Variants in HECTD4 observed in about 807,000 individuals in gnomAD.
The protein encoded by HECTD4 is HECT domain E3 ubiquitin protein ligase 4, also known as probable E3 ubiquitin-protein ligase HECTD4.
Under a neutral mutation model 471.5 loss-of-function variants are expected in HECTD4, and 114 were observed. The ratio of observed to expected loss-of-function variants is 0.24; its 90% confidence interval spans 0.21 to 0.28. The LOEUF is 0.28. Ranked by LOEUF, HECTD4 falls within the 10% of genes least tolerant of loss-of-function variation. The pLI, the probability that HECTD4 is intolerant of heterozygous loss-of-function variation, is 1.00. For synonymous variants in HECTD4, 2,012 were observed against 2,256.0 expected, an observed-to-expected ratio of 0.89 and a Z score of 3.07; for missense variants, 3,866 against 5,651.5, an observed-to-expected ratio of 0.68 and a Z score of 10.13.
At chr12:112,296,926 T>G (rs1178009487) in intron 7 of HECTD4, among the ~76,000 whole-genome samples, 1 of 146,770 alleles carries the variant, frequency 6.8e-6, no homozygotes, top group African/African-American at 2.6e-5. Context: ...GCAGAGGGTG[T>G]AGGTGCAGTG....
In HECTD4 at chr12:112,167,517, T is replaced by C. The variant is rs1381062749; in HGVS notation, c.12334A>G (p.Ser4112Gly). 6.2e-7 allele frequency: 1 copy of C among 1,602,296 alleles called. No individual in the cohort carries two copies. Among genetic ancestry groups the C allele is most frequent in the Admixed American group, 1.7e-5 (1 of 59,068 alleles). Reference protein sequence around the residue: ...KNKGKYILTPSPITYGEEQLL... With the variant: ...KNKGKYILTPGPITYGEEQLL... ...TGCTCCTCCCCGTAGGTGATGGGGC[T>C]CGGGGTCAGGATATACTTGCCCTGG... Residue 4112 changes from serine to glycine, a missense_variant, in exon 72 of 76, where the codon AGC becomes GGC. Physicochemically the swap from Ser to Gly is moderately conservative, Grantham distance 56. This residue lies in a region of HECTD4 where 715 missense variants were observed against 1,087.6 expected (regional missense o/e 0.66). Transcript: ENST00000682272.
intron 60 of HECTD4, among the ~76,000 whole-genome samples, chr12:112,190,340 T>C (rs1031005247): frequency 6.6e-6 from 1 of 152,242 alleles, no homozygotes; most frequent in African/African-American, 2.4e-5. Flanking sequence ...TTTGTTTAGG[T>C]AAATTTGCAT....
intron 7 of HECTD4, among the ~76,000 whole-genome samples, chr12:112,288,810 C>T (rs2034811319): frequency 6.6e-6 from 1 of 152,190 alleles, no homozygotes; most frequent in Admixed American, 6.5e-5. Context: ...CCAAGCTAAG[C>T]TCCCAGTTGA....
chr12:112,272,342 G>A (rs372501673), intron 11 of HECTD4, among the ~76,000 whole-genome samples: 25 of 152,294 alleles, frequency 1.6e-4, no homozygotes, highest in East Asian at 3.9e-4. Flanking sequence ...GGGCCACAGC[G>A]CCTAGCCTCA....
At position 112,169,555 on chromosome 12, in the gene HECTD4, G is replaced by A; in HGVS notation, c.12156C>T (p.Asp4052=). The change falls in exon 70 of 76, where the codon GAC becomes GAT. Residue 4052 remains aspartate (D), a synonymous_variant. Transcript: ENST00000682272. ...AGCGGATGTTGAAGGCATATGTGGGGTCACCGCCACTGGCCAGCTTGACGC... is the reference window on the plus strand; with the variant it reads ...AGCGGATGTTGAAGGCATATGTGGGATCACCGCCACTGGCCAGCTTGACGC... ...QLCVKLASGG[D]PTYAFNIRFT... is the part of the protein sequence containing the mutation. 6.2e-7 allele frequency: 1 copy of A among 1,613,472 alleles called. No individual in the cohort carries two copies. The highest frequency in any genetic ancestry group is 8.5e-7 in the Non-Finnish European group (1 of 1,179,870).
rs1224561787 is a variant in HECTD4 at position 112,164,174 on chromosome 12, G to A, written c.12636C>T (p.Phe4212=). 1 of 1,613,704 alleles carries A rather than the reference G, an allele frequency of 6.2e-7. No individual in the cohort carries two copies. The highest frequency in any genetic ancestry group is 1.1e-5 in the South Asian group (1 of 91,076). ...CCTCGCCCGTCATGGTCAGGTAGGT[G>A]AACCTGCAGCAGGGCTTGTTGGGGC... ...PDSPNKPCCR[F]TYLTMTGEEV... is the part of the protein sequence containing the mutation. The change falls in exon 73 of 76, where the codon TTC becomes TTT. Residue 4212 remains phenylalanine (F), a synonymous_variant. Coordinates refer to ENST00000682272, the MANE Select transcript of HECTD4 (RefSeq NM_001388303.1).
chr12:112,359,065 A>T (rs1050421707), intron 1 of HECTD4, among the ~76,000 whole-genome samples: 1 of 152,036 alleles, frequency 6.6e-6, no homozygotes, highest in Non-Finnish European at 1.5e-5. Context: ...AGTCCCAGCT[A>T]CTAGGGAGGC....
intron 1 of HECTD4, among the ~76,000 whole-genome samples, chr12:112,380,467 G>A (rs1303465560): frequency 6.6e-6 from 1 of 151,992 alleles, no homozygotes; most frequent in Non-Finnish European, 1.5e-5. Context: ...AGAAAAGAAA[G>A]AAACAAAGAG....
intron 51 of HECTD4, among the ~76,000 whole-genome samples, 171 bp downstream of exon 51, chr12:112,208,323 G>T (rs904367646): frequency 6.6e-6 from 1 of 152,204 alleles, no homozygotes; most frequent in Non-Finnish European, 1.5e-5. Context: ...ATTGATAGGG[G>T]TTTAGAAAAA....
chr12:112,261,270 G>T, intron 18 of HECTD4, 35 bp downstream of exon 18: 1 of 1,518,626 alleles, frequency 6.6e-7, no homozygotes, highest in South Asian at 1.3e-5. Flanking sequence ...TCTTCCCACA[G>T]GGCAGCTGGT....
At chr12:112,231,914 A>C (rs2033389589) in intron 38 of HECTD4, among the ~76,000 whole-genome samples, 199 bp from the exon 39 acceptor site, 1 of 152,078 alleles carries the variant, frequency 6.6e-6, no homozygotes, top group South Asian at 2.1e-4. Context: ...AGTCATCTAG[A>C]TAACTTCTGT....
chr12:112,228,783 A>G lies in HECTD4; in HGVS notation c.6548T>C (p.Ile2183Thr), dbSNP rs749863834. The G allele has an allele frequency of 8.7e-6, 14 of 1,613,722 alleles. No homozygotes were observed. The highest frequency in any genetic ancestry group is 4.0e-5 in the African/African-American group (3 of 74,912). Residue 2183 changes from isoleucine to threonine, a missense_variant, in exon 42 of 76, where the codon ATT becomes ACT. Coordinates refer to ENST00000682272, the MANE Select transcript of HECTD4 (RefSeq NM_001388303.1). The surrounding 1 kb of genome is among the most constrained non-coding windows in gnomAD (Gnocchi z 4.9). ...TTCATTGATAGAAGCCACTACTCCA[A>G]TGCTTCCTGAAATTCCTCTACCTAA... ...QVLGRGISGS[I>T]GVVASINEQE...
Position 112,269,826 on chromosome 12 carries a change from GCTGAAGAAAAATTTAAATACCAC to G in HECTD4, c.2176_2198del (p.Val726ProfsTer4). The G allele has an allele frequency of 6.2e-7, 1 of 1,613,842 alleles. No individual in the cohort carries two copies. The highest frequency in any genetic ancestry group is 8.5e-7 in the Non-Finnish European group (1 of 1,179,812). ...TGTCTCGATTCCTTTCAGTTTGTGGGCTGAAGAAAAATTTAAATACCACCTACAGAAACAGAAGGAGTCTATCT... is the reference window on the plus strand; with the variant it reads ...TGTCTCGATTCCTTTCAGTTTGTGGGCTACAGAAACAGAAGGAGTCTATCT... On this transcript the variant is annotated frameshift_variant and splice_region_variant, in exon 13 of 76. Coordinates refer to ENST00000682272, the MANE Select transcript of HECTD4 (RefSeq NM_001388303.1). LOFTEE classifies it high-confidence loss of function.
rs370473827 is a variant in HECTD4 at position 112,244,058 on chromosome 12, C to T, written c.4514-49G>A. 1,033 of 1,590,558 alleles carry T rather than the reference C, an allele frequency of 6.5e-4. 5 individuals carry two copies. The highest frequency in any genetic ancestry group is 4.3e-3 in the South Asian group (383 of 88,936). On this transcript the variant is annotated intron_variant, in intron 29 of 75. Coordinates refer to ENST00000682272, the MANE Select transcript of HECTD4 (RefSeq NM_001388303.1). ...GCTGACATTTCTGCTATCTGTACAA[C>T]AGCCAAATGCAACACAGAACTACCC...
chr12:112,231,500 G>C lies in HECTD4; in HGVS notation c.6200+13C>G. On this transcript the variant is annotated intron_variant, in intron 39 of 75. Transcript: ENST00000682272. ...AGATGAGTGTGGACAGCTCCTACCTGTGGAAGGTTTACCTTGCAAGCTCCG... is the reference window on the plus strand; with the variant it reads ...AGATGAGTGTGGACAGCTCCTACCTCTGGAAGGTTTACCTTGCAAGCTCCG... 1 of 1,612,534 alleles carries C rather than the reference G, an allele frequency of 6.2e-7. No homozygotes were observed. Among genetic ancestry groups the C allele is most frequent in the Non-Finnish European group, 8.5e-7 (1 of 1,178,554 alleles).
intron 8 of HECTD4, among the ~76,000 whole-genome samples, chr12:112,280,195 T>C (rs1400056403): frequency 6.6e-6 from 1 of 152,226 alleles, no homozygotes; most frequent in Non-Finnish European, 1.5e-5. Flanking sequence ...AACAATTTTA[T>C]AGCTGTGTAA....
intron 1 of HECTD4, chr12:112,322,573 C>A: frequency 6.6e-6 from 1 of 152,464 alleles, no homozygotes; most frequent in Non-Finnish European, 1.5e-5. Flanking sequence ...TCTAAGAATG[C>A]AGAGAAATAA....
chr12:112,165,614 G>T (rs950461337), intron 72 of HECTD4, among the ~76,000 whole-genome samples: 2 of 152,128 alleles, frequency 1.3e-5, no homozygotes, highest in Non-Finnish European at 2.9e-5. Flanking sequence ...GCCTCCCGAA[G>T]TGCTGGGATT....
chr12:112,249,861 C>T (rs953631310), intron 25 of HECTD4: 13 of 423,722 alleles, frequency 3.1e-5, no homozygotes, highest in East Asian at 5.0e-5. Flanking sequence ...TGTTAAGCTG[C>T]GCCCCATCCT....
Sources: gnomAD v4.1 joint callset for allele counts (sites outside exome capture counted in the v4.1 genomes callset) on GRCh38, gnomAD v4.1.1 for gene constraint, gnomAD v4.1.1 regional missense constraint, Gnocchi (gnomAD v3.1) non-coding constraint, MANE v1.5 for transcripts, NCBI Gene and HGNC (gene_info 2026-07-23, HGNC 2026-07-21) for gene names.